Variants in EPHA6 observed in about 807,000 individuals in gnomAD.
EPHA6 encodes the protein ephrin type-A receptor 6.
A neutral mutation model predicts 112.0 loss-of-function variants in EPHA6; 50 were observed. That is an observed-to-expected ratio of 0.45 (90% confidence interval 0.36 to 0.56). EPHA6 has a LOEUF of 0.56. EPHA6 is among the 20% of genes least tolerant of loss of function. The pLI is 0.00. For synonymous variants in EPHA6, 529 were observed against 490.7 expected, an observed-to-expected ratio of 1.08 and a Z score of -1.03; for missense variants, 1,280 against 1,417.4, an observed-to-expected ratio of 0.90 and a Z score of 1.56.
At chr3:97,208,688 A>C (rs1241845629) in intron 3 of EPHA6, among the ~76,000 whole-genome samples, 1 of 152,074 alleles carries the variant, frequency 6.6e-6, no homozygotes, top group Non-Finnish European at 1.5e-5. Flanking sequence ...TGGATGTTGC[A>C]GTGAGCCAAG....
chr3:96,930,147 G>T (rs963530635), intron 2 of EPHA6, among the ~76,000 whole-genome samples: 2 of 152,134 alleles, frequency 1.3e-5, no homozygotes, highest in African/African-American at 4.8e-5. Context: ...TAGCTGCTTT[G>T]CATTGGGTTA....
intron 5 of EPHA6, among the ~76,000 whole-genome samples, chr3:97,357,871 C>T (rs1032560164): frequency 2.0e-5 from 3 of 152,042 alleles, no homozygotes; most frequent in Non-Finnish European, 4.4e-5. Flanking sequence ...ATTCCTTAAA[C>T]GGAAGTGGAA....
At chr3:96,964,357 A>G (rs957263790) in intron 2 of EPHA6, among the ~76,000 whole-genome samples, 4 of 152,050 alleles carry the variant, frequency 2.6e-5, no homozygotes, top group African/African-American at 7.2e-5. Flanking sequence ...GCCTTTATTT[A>G]TTATTTAATA....
intron 3 of EPHA6, among the ~76,000 whole-genome samples, chr3:96,995,904 A>G (rs373899945): frequency 2.0e-5 from 3 of 152,194 alleles, no homozygotes; most frequent in South Asian, 2.1e-4. Context: ...ATTTCTTAAG[A>G]TAACACAACA....
Position 97,479,282 on chromosome 3 carries a change from T to A in EPHA6, c.2004-12T>A, listed in dbSNP as rs1360960562. On this transcript the variant is annotated splice_polypyrimidine_tract_variant and intron_variant, in intron 8 of 17. Coordinates refer to ENST00000389672, the MANE Select transcript of EPHA6 (RefSeq NM_001080448.3). ...TCTTAAAACAAGTTTTTTTTTTTAA[T>A]CTTTTTAAAAGATGTCAGTGGTACA... 1 of 1,553,598 alleles carries A rather than the reference T, an allele frequency of 6.4e-7. No individual in the cohort carries two copies. The highest frequency in any genetic ancestry group is 2.3e-5 in the East Asian group (1 of 43,890).
chr3:96,990,555 T>G (rs987335932), intron 3 of EPHA6, among the ~76,000 whole-genome samples: 3 of 152,156 alleles, frequency 2.0e-5, no homozygotes, highest in Admixed American at 2.0e-4. Flanking sequence ...CACCTAAAGA[T>G]GAAATACATG....
intron 3 of EPHA6, among the ~76,000 whole-genome samples, chr3:97,117,175 T>A (rs1191014610): frequency 6.6e-6 from 1 of 151,736 alleles, no homozygotes; most frequent in African/African-American, 2.4e-5. Flanking sequence ...ATTGAGTCAT[T>A]TGTTTTCTTA....
chr3:97,610,840 G>A lies in EPHA6; in HGVS notation c.2560G>A (p.Asp854Asn), dbSNP rs372785419. ...VVEYMENGSLDSFLRKHDGHF... is the reference protein window; with the variant it reads ...VVEYMENGSLNSFLRKHDGHF... ...GGAATATATGGAGAATGGATCCCTA[G>A]ACTCCTTTTTGCGGGTGAGGTGTTC... Residue 854 changes from aspartate to asparagine, a missense_variant, in exon 13 of 18, where the codon GAC (aspartate) becomes AAC (asparagine). Physicochemically the swap from Asp to Asn is conservative, Grantham distance 23. This residue lies in a region of EPHA6 where 878 missense variants were observed against 999.7 expected (regional missense o/e 0.88). Coordinates refer to ENST00000389672, the MANE Select transcript of EPHA6 (RefSeq NM_001080448.3). 1 of 1,611,394 alleles carries A rather than the reference G, an allele frequency of 6.2e-7. No individual in the cohort carries two copies. The highest frequency in any genetic ancestry group is 8.5e-7 in the Non-Finnish European group (1 of 1,178,240).
At chr3:97,071,594 G>C (rs576230728) in intron 3 of EPHA6, among the ~76,000 whole-genome samples, 63 of 152,140 alleles carry the variant, frequency 4.1e-4, no homozygotes, top group African/African-American at 1.5e-3. Flanking sequence ...ACTATCAGGA[G>C]AATAGCATGA....
At chr3:96,856,072 C>T (rs893782702) in intron 1 of EPHA6, among the ~76,000 whole-genome samples, 13 of 151,942 alleles carry the variant, frequency 8.6e-5, no homozygotes, top group African/African-American at 3.1e-4. Flanking sequence ...AACCCCATCT[C>T]TAGAAAAAAG....
chr3:97,333,488 T>C (rs2082905285), intron 5 of EPHA6, among the ~76,000 whole-genome samples: 2 of 146,394 alleles, frequency 1.4e-5, no homozygotes, highest in Admixed American at 1.4e-4. Context: ...TTTTTTTTTT[T>C]TTTGAGACAG....
intron 1 of EPHA6, among the ~76,000 whole-genome samples, chr3:96,841,468 G>A (rs1345320212): frequency 6.6e-6 from 1 of 151,954 alleles, no homozygotes; most frequent in African/African-American, 2.4e-5. Context: ...TTTTCTAGCC[G>A]GCTTTGTGGT....
intron 3 of EPHA6, among the ~76,000 whole-genome samples, chr3:97,146,179 C>A (rs2108363742): frequency 6.6e-6 from 1 of 151,674 alleles, no homozygotes; most frequent in Admixed American, 6.6e-5. Flanking sequence ...ATTTTATAAC[C>A]TCTGTCCTTG....
At chr3:97,083,937 G>A (rs2046804083) in intron 3 of EPHA6, among the ~76,000 whole-genome samples, 1 of 151,288 alleles carries the variant, frequency 6.6e-6, no homozygotes, top group Non-Finnish European at 1.5e-5. Flanking sequence ...CTAGAAAGAT[G>A]TCCATGATAT....
In EPHA6 at chr3:96,929,511, T is replaced by C. The variant is rs143468089; in HGVS notation, c.451-57819T>C. ...TTATGAAGCTTAGTTTGGACTGATA[T>C]GAAATTCTGGGTTGGCAGTTTTCTT... On this transcript the variant is annotated intron_variant, in intron 2 of 17. Coordinates refer to ENST00000389672, the MANE Select transcript of EPHA6 (RefSeq NM_001080448.3). 3.9e-5 allele frequency among the ~76,000 whole-genome samples: 6 copies of C among 152,360 alleles called. No individual in the cohort carries two copies. In the East Asian group the frequency reaches 1.2e-3, roughly 29 times the overall value.
intron 13 of EPHA6, among the ~76,000 whole-genome samples, chr3:97,613,648 G>A (rs1043907931): frequency 6.6e-6 from 1 of 152,056 alleles, no homozygotes; most frequent in Non-Finnish European, 1.5e-5. Flanking sequence ...GGGCTTGTGT[G>A]TGAAAATATA....
intron 14 of EPHA6, among the ~76,000 whole-genome samples, chr3:97,662,269 G>A (rs1384740746): frequency 6.6e-6 from 1 of 152,104 alleles, no homozygotes; most frequent in Non-Finnish European, 1.5e-5. Context: ...TTTAGTAAAT[G>A]TTAATTTAAC....
At chr3:97,464,475 T>G (rs1305127552) in intron 7 of EPHA6, among the ~76,000 whole-genome samples, 1 of 152,114 alleles carries the variant, frequency 6.6e-6, no homozygotes, top group Admixed American at 6.6e-5. Context: ...ACTATAAATG[T>G]TGAGAAGCCC....
At chr3:97,020,610 A>G (rs893347773) in intron 3 of EPHA6, among the ~76,000 whole-genome samples, 2 of 152,096 alleles carry the variant, frequency 1.3e-5, no homozygotes, top group Non-Finnish European at 1.5e-5. Context: ...GATAAATGCT[A>G]TTATCCAGAC....
Sources: allele counts gnomAD v4.1 joint callset (sites outside exome capture counted in the v4.1 genomes callset), GRCh38; gene constraint gnomAD v4.1.1; regional missense constraint gnomAD v4.1.1; transcripts MANE v1.5; gene names NCBI Gene and HGNC (gene_info 2026-07-23, HGNC 2026-07-21).